The following CSMD1 variants were observed in gnomAD, a reference collection of about 807,000 sequenced individuals.
The protein encoded by CSMD1 is CUB and Sushi multiple domains 1.
A neutral mutation model predicts 417.5 loss-of-function variants in CSMD1; 213 were observed. The observed-to-expected ratio is 0.51, with a 90% CI of 0.46 to 0.57. The LOEUF (loss-of-function observed/expected upper bound fraction) is 0.57. Ranked by LOEUF, CSMD1 falls within the 20% of genes least tolerant of loss-of-function variation. CSMD1 has a pLI of 0.00. For missense variants in CSMD1, 6,923 were observed against 4,529.7 expected (o/e 1.53, Z -15.17); for synonymous variants, 2,862 against 1,736.8 (o/e 1.65, Z -16.11).
intron 3 of CSMD1, among the ~76,000 whole-genome samples, chr8:4,384,563 T>C (rs1584992257): frequency 6.6e-6 from 1 of 152,222 alleles, no homozygotes; most frequent in East Asian, 1.9e-4. Flanking sequence ...GTATCAGTGC[T>C]GTAAGCAATG....
chr8:4,330,749 G>C (rs1799824275), intron 3 of CSMD1, among the ~76,000 whole-genome samples: 1 of 152,074 alleles, frequency 6.6e-6, no homozygotes, highest in African/African-American at 2.4e-5. Flanking sequence ...CTGCATTCCT[G>C]TCTTTCCTGC....
chr8:4,725,890 G>C (rs906552952), intron 1 of CSMD1, among the ~76,000 whole-genome samples: 1 of 152,142 alleles, frequency 6.6e-6, no homozygotes, highest in African/African-American at 2.4e-5. Context: ...CTGGTTGTGG[G>C]ACTGGGTTCA....
intron 25 of CSMD1, among the ~76,000 whole-genome samples, chr8:3,295,673 C>T (rs1803910371): frequency 6.6e-6 from 1 of 152,158 alleles, no homozygotes; most frequent in Non-Finnish European, 1.5e-5. Flanking sequence ...ATTCTAACTG[C>T]TTTGGTCCAG....
chr8:2,990,711 T>G (rs1420868838), intron 54 of CSMD1, among the ~76,000 whole-genome samples: 1 of 152,146 alleles, frequency 6.6e-6, no homozygotes, highest in Non-Finnish European at 1.5e-5. Flanking sequence ...AAAGTAACTT[T>G]GAGGATTTTG....
intron 12 of CSMD1, among the ~76,000 whole-genome samples, chr8:3,432,554 G>A (rs528446258): frequency 7.6e-6 from 1 of 131,928 alleles, no homozygotes; most frequent in East Asian, 2.2e-4. Flanking sequence ...TTTGTCACCA[G>A]GCTGGAGTGC....
intron 12 of CSMD1, among the ~76,000 whole-genome samples, chr8:3,445,820 C>G (rs1402991159): frequency 6.6e-6 from 1 of 152,146 alleles, no homozygotes; most frequent in South Asian, 2.1e-4. Flanking sequence ...CCAAAGGCAA[C>G]TGAGGGATTA....
At chr8:3,846,043 C>G (rs901474088) in intron 5 of CSMD1, among the ~76,000 whole-genome samples, 16 of 151,614 alleles carry the variant, frequency 1.1e-4, no homozygotes, top group African/African-American at 3.6e-4. Context: ...CTGCCTAAGA[C>G]TGCTTTACAG....
intron 1 of CSMD1, among the ~76,000 whole-genome samples, chr8:4,842,387 C>A (rs1800896645): frequency 6.6e-6 from 1 of 152,120 alleles, no homozygotes; most frequent in Non-Finnish European, 1.5e-5. Flanking sequence ...TTTTTATTCC[C>A]CTTTTGCAAT....
At chr8:4,371,759 G>C (rs577795889) in intron 3 of CSMD1, among the ~76,000 whole-genome samples, 2 of 152,290 alleles carry the variant, frequency 1.3e-5, no homozygotes, top group African/African-American at 2.4e-5. Flanking sequence ...GGTCTTTACG[G>C]TTACATAATA....
At chr8:4,208,500 A>G (rs1380046485) in intron 3 of CSMD1, among the ~76,000 whole-genome samples, 1 of 152,224 alleles carries the variant, frequency 6.6e-6, no homozygotes, top group Non-Finnish European at 1.5e-5. Flanking sequence ...TCTGTAGTTT[A>G]TTAATCTGTG....
At chr8:3,068,922 T>G (rs1047931954) in intron 49 of CSMD1, among the ~76,000 whole-genome samples, 1 of 152,092 alleles carries the variant, frequency 6.6e-6, no homozygotes, top group South Asian at 2.1e-4. Context: ...AATTCTCATA[T>G]CCTTCTCATA....
At chr8:4,728,730 T>C (rs1407837435) in intron 1 of CSMD1, among the ~76,000 whole-genome samples, 1 of 152,100 alleles carries the variant, frequency 6.6e-6, no homozygotes, top group Non-Finnish European at 1.5e-5. Context: ...TTTCAGTAGA[T>C]GCTCAATTAA....
At chr8:4,614,424 T>G (rs1201518913) in intron 2 of CSMD1, among the ~76,000 whole-genome samples, 1 of 152,192 alleles carries the variant, frequency 6.6e-6, no homozygotes, top group Admixed American at 6.6e-5. Context: ...ATCCAGCACC[T>G]AAATAAGCCT....
At chr8:4,089,907 G>T (rs990570340) in intron 3 of CSMD1, among the ~76,000 whole-genome samples, 7 of 152,056 alleles carry the variant, frequency 4.6e-5, no homozygotes, top group Non-Finnish European at 7.3e-5. Flanking sequence ...GGACCTGATT[G>T]GAATGAACCG....
chr8:4,909,459 G>A (rs1318154314), intron 1 of CSMD1, among the ~76,000 whole-genome samples: 2 of 152,168 alleles, frequency 1.3e-5, no homozygotes, highest in South Asian at 2.1e-4. Context: ...TGACATGGAA[G>A]TAACACCCTT....
intron 3 of CSMD1, among the ~76,000 whole-genome samples, chr8:4,415,423 C>T (rs1484507625): frequency 2.0e-5 from 3 of 152,142 alleles, no homozygotes; most frequent in South Asian, 2.1e-4. Context: ...AGGCATTTAG[C>T]GCACGTGCTT....
chr8:4,846,280 T>C (rs555889579), intron 1 of CSMD1, among the ~76,000 whole-genome samples: 1 of 152,372 alleles, frequency 6.6e-6, no homozygotes, highest in South Asian at 2.1e-4. Context: ...GTAAGATCTT[T>C]AACTTGTTAT....
intron 1 of CSMD1, among the ~76,000 whole-genome samples, chr8:4,639,193 A>C (rs1477519040): frequency 6.6e-6 from 1 of 150,618 alleles, no homozygotes; most frequent in Admixed American, 6.6e-5. Context: ...CCCCTTCCCA[A>C]GTTACTTCCC....
At chr8:4,297,693 C>A in intron 3 of CSMD1, among the ~76,000 whole-genome samples, 1 of 152,204 alleles carries the variant, frequency 6.6e-6, no homozygotes, top group Non-Finnish European at 1.5e-5. Context: ...TAGCATTAAC[C>A]CGGAGCCATC....
Sources: allele counts gnomAD v4.1 joint callset (sites outside exome capture counted in the v4.1 genomes callset), GRCh38; gene constraint gnomAD v4.1.1; transcripts MANE v1.5; gene names NCBI Gene and HGNC (gene_info 2026-07-23, HGNC 2026-07-21).